WDR37: variants seen among roughly 807,000 people sequenced by gnomAD.
WDR37 encodes the protein WD repeat domain 37.
WDR37 carries 19 observed loss-of-function variants against 62.9 expected under a neutral mutation model. The observed-to-expected ratio is 0.30, with a 90% CI of 0.21 to 0.44. WDR37 has a LOEUF of 0.44. Among genes scored for constraint, WDR37 ranks in the 20% least tolerant of loss-of-function variants. The pLI is 1.00. For synonymous variants in WDR37, 250 were observed against 260.9 expected, an observed-to-expected ratio of 0.96 and a Z score of 0.40; for missense variants, 474 against 657.6, an observed-to-expected ratio of 0.72 and a Z score of 3.05.
intron 1 of WDR37, among the ~76,000 whole-genome samples, chr10:1,068,719 G>C (rs761580564): frequency 1.1e-4 from 16 of 152,052 alleles, no homozygotes; most frequent in Admixed American, 6.5e-5. Context: ...AACTAAACAT[G>C]ATTAAACATA....
At chr10:1,124,853 C>G in intron 12 of WDR37, 57 bp from the exon 13 acceptor site, 1 of 1,592,074 alleles carries the variant, frequency 6.3e-7, no homozygotes. Context: ...TCTGTCAACT[C>G]AAAAACTTAC....
rs1400649809 is a variant in WDR37 at position 1,086,282 on chromosome 10, G to T, written c.533-4G>T. 5 of 1,613,712 alleles carry T rather than the reference G, an allele frequency of 3.1e-6. No homozygotes were observed. The East Asian group carries it at 8.9e-5, about 29-fold the overall frequency. ...GTTCCGACTTCTTCATTTCCATCTT[G>T]CAGATCACACGGCTTTGCTGTGGAG... On this transcript the variant is annotated splice_region_variant and splice_polypyrimidine_tract_variant and intron_variant, in intron 6 of 13. Coordinates refer to ENST00000263150, the MANE Select transcript of WDR37 (RefSeq NM_014023.4).
intron 1 of WDR37, among the ~76,000 whole-genome samples, 170 bp downstream of exon 1, chr10:1,057,138 G>T (rs899265291): frequency 6.6e-6 from 1 of 152,142 alleles, no homozygotes; most frequent in African/African-American, 2.4e-5. Flanking sequence ...GTGCAGGAGG[G>T]GTCGGGTCCC....
chr10:1,064,583 CTTTTTTTTTTTTTT>C (rs71376884), intron 1 of WDR37, among the ~76,000 whole-genome samples: 23 of 70,490 alleles, frequency 3.3e-4, no homozygotes, highest in Non-Finnish European at 4.1e-4. Context: ...GACAATGGAT[CTTTTTTTTTTTTTT>C]TTTTTTTTTT....
chr10:1,122,439 C>T (rs995942107), intron 11 of WDR37, among the ~76,000 whole-genome samples: 6 of 152,180 alleles, frequency 3.9e-5, no homozygotes, highest in Admixed American at 6.5e-5. Context: ...ACTGCCCCTG[C>T]GTCTCAGGAT....
At chr10:1,080,318 C>T (rs978639559) in intron 4 of WDR37, 94 bp from the exon 5 acceptor site, 15 of 1,525,072 alleles carry the variant, frequency 9.8e-6, no homozygotes, top group African/African-American at 4.1e-5. Context: ...TTTCTGGGCC[C>T]CCTTTCTTCC....
At chr10:1,096,925 A>G (rs1175816086) in intron 9 of WDR37, among the ~76,000 whole-genome samples, 3 of 152,206 alleles carry the variant, frequency 2.0e-5, no homozygotes, top group African/African-American at 7.2e-5. Context: ...CAGGTATCAT[A>G]GACAGAATGT....
Position 1,110,124 on chromosome 10 carries a change from C to T in WDR37, c.1103+4857C>T, listed in dbSNP as rs942975842. Reference sequence around the variant, plus strand: ...TTGTTGATGTGTACATCCAAAAATACGTTTTGAAAAGATCTCTCTTTGGCG... The same window carrying T: ...TTGTTGATGTGTACATCCAAAAATATGTTTTGAAAAGATCTCTCTTTGGCG... On this transcript the variant is annotated intron_variant, in intron 11 of 13. Coordinates refer to ENST00000263150, the MANE Select transcript of WDR37 (RefSeq NM_014023.4). 5.3e-5 allele frequency among the ~76,000 whole-genome samples: 8 copies of T among 152,264 alleles called. No individual in the cohort carries two copies. In the East Asian group the frequency reaches 1.3e-3, roughly 26 times the overall value.
At position 1,079,937 on chromosome 10, in the gene WDR37, C is replaced by T. The variant is rs1228219491; in HGVS notation, c.236-74C>T. 27 of 1,258,796 alleles carry T rather than the reference C, an allele frequency of 2.1e-5. No individual in the cohort carries two copies. In the Admixed American group the frequency reaches 2.2e-4, roughly 10 times the overall value. The allele number at this position is 1,258,796 out of a possible 1,614,324, so 78.0% of individuals were successfully genotyped here. ...TAATATATAGCATTTTTTCTGTGTGCGAGTTTTGGAAGTGGTGAGTACACT... is the reference window on the plus strand; with the variant it reads ...TAATATATAGCATTTTTTCTGTGTGTGAGTTTTGGAAGTGGTGAGTACACT... On this transcript the variant is annotated intron_variant, in intron 3 of 13. Transcript: ENST00000263150.
intron 9 of WDR37, among the ~76,000 whole-genome samples, chr10:1,099,957 G>A (rs1240115503): frequency 7.7e-6 from 1 of 129,290 alleles, no homozygotes; most frequent in Non-Finnish European, 1.7e-5. Flanking sequence ...AATGTGCACT[G>A]ATGGTGGGCG....
At chr10:1,106,922 T>G (rs55886714) in intron 11 of WDR37, among the ~76,000 whole-genome samples, 32,261 of 152,194 alleles carry the variant, frequency 0.21, 3,434 homozygotes, top group African/African-American at 0.24. Flanking sequence ...GAGATCTTTA[T>G]GGCAGCCTGG....
intron 1 of WDR37, among the ~76,000 whole-genome samples, chr10:1,069,389 A>ATATATATATATATATATTTTTTTTT: frequency 1.5e-4 from 14 of 95,760 alleles, no homozygotes; most frequent in African/African-American, 6.1e-4. Flanking sequence ...ATATATATAT[A>ATATATATATATATATATTTTTTTTT]TTTTTTTTTT....
intron 11 of WDR37, among the ~76,000 whole-genome samples, chr10:1,107,431 A>G (rs940962038): frequency 6.6e-6 from 1 of 152,382 alleles, no homozygotes; most frequent in Middle Eastern, 3.4e-3. Flanking sequence ...TGCTTTCCTA[A>G]GCTTTTTGCT....
In WDR37 at chr10:1,112,385, G is replaced by A. The variant is rs1309989108; in HGVS notation, c.1103+7118G>A. The stretch of plus-strand genomic sequence containing the variant: ...TGCCCCACTAACTGGCCGTTCCTTC[G>A]TCTCTCACCTTCTCCTAATGCCTCT... On this transcript the variant is annotated intron_variant, in intron 11 of 13. Transcript: ENST00000263150. Among the ~76,000 whole-genome samples the A allele has an allele frequency of 3.3e-5, 5 of 152,160 alleles. No individual in the cohort carries two copies. The South Asian group carries it at 6.2e-4, about 19-fold the overall frequency.
Position 1,103,637 on chromosome 10 carries a change from G to A in WDR37, c.762G>A (p.Lys254=). The A allele has an allele frequency of 6.2e-7, 1 of 1,614,248 alleles. No homozygotes were observed. The highest frequency in any genetic ancestry group is 8.5e-7 in the Non-Finnish European group (1 of 1,180,048). Residue 254 remains lysine (K), a synonymous_variant, in exon 10 of 14, where the codon AAG becomes AAA. Coordinates refer to ENST00000263150, the MANE Select transcript of WDR37 (RefSeq NM_014023.4). The surrounding 1 kb of genome is among the most constrained non-coding windows in gnomAD (Gnocchi z 6.3). ...AAGATGAAGTAGAGTGCTCTGACAA[G>A]GACGAGCCCGACCTCGATGGGGATG... ...SGEDEVECSD[K]DEPDLDGDVS... is the part of the protein sequence containing the mutation.
chr10:1,101,419 T>G (rs1564507137), intron 9 of WDR37, among the ~76,000 whole-genome samples: 1 of 152,192 alleles, frequency 6.6e-6, no homozygotes, highest in Non-Finnish European at 1.5e-5. Flanking sequence ...TACAAGGATG[T>G]CAGTCCTATT....
rs754644473 is a variant in WDR37 at position 1,124,269 on chromosome 10, C to T, written c.1155C>T (p.Ser385=). Reference sequence around the variant, plus strand: ...TGGGAGACAACGTGGTTTCAGGCAGCGATGACCGCACGGTGAAAGTCTGGG... The same window carrying T: ...TGGGAGACAACGTGGTTTCAGGCAGTGATGACCGCACGGTGAAAGTCTGGG... The part of the protein sequence containing the change: ...FTVGDNVVSG[S]DDRTVKVWDL... Residue 385 remains serine (S), a synonymous_variant, in exon 12 of 14, where the codon AGC becomes AGT. Transcript: ENST00000263150. 3.1e-5 allele frequency: 50 copies of T among 1,614,010 alleles called. No individual in the cohort carries two copies. The highest frequency in any genetic ancestry group is 1.6e-4 in the Middle Eastern group (1 of 6,084).
intron 11 of WDR37, among the ~76,000 whole-genome samples, chr10:1,110,969 G>A (rs935881649): frequency 2.0e-5 from 3 of 152,174 alleles, no homozygotes; most frequent in African/African-American, 7.2e-5. Context: ...CTTTTCACTA[G>A]TTCTTTTCCT....
chr10:1,108,797 C>T (rs567354136), intron 11 of WDR37, among the ~76,000 whole-genome samples: 2 of 150,730 alleles, frequency 1.3e-5, no homozygotes, highest in South Asian at 4.3e-4. Context: ...GCACAGCTCC[C>T]TGCCCCAGGC....
Sources: allele counts gnomAD v4.1 joint callset (sites outside exome capture counted in the v4.1 genomes callset), GRCh38; gene constraint gnomAD v4.1.1; non-coding constraint Gnocchi (gnomAD v3.1); transcripts MANE v1.5; gene names NCBI Gene and HGNC (gene_info 2026-07-23, HGNC 2026-07-21).